The following PSMB7 variants were observed in gnomAD, a reference collection of about 807,000 sequenced individuals.
The protein encoded by PSMB7 is proteasome 20S subunit beta 7.
A neutral mutation model predicts 28.1 loss-of-function variants in PSMB7; 5 were observed. The observed-to-expected ratio is 0.18, with a 90% CI of 0.09 to 0.37. The LOEUF (loss-of-function observed/expected upper bound fraction) is 0.37, where lower values mean the gene tolerates loss of function less well. Ranked by LOEUF, PSMB7 falls within the 10% of genes least tolerant of loss-of-function variation. The pLI, the probability that PSMB7 is intolerant of heterozygous loss-of-function variation, is 1.00. For missense variants in PSMB7, 275 were observed against 346.2 expected (o/e 0.79, Z 1.63); for synonymous variants, 122 against 123.7 (o/e 0.99, Z 0.09).
chr9:124,369,704 G>A (rs1013198735), intron 6 of PSMB7, among the ~76,000 whole-genome samples: 2 of 152,090 alleles, frequency 1.3e-5, no homozygotes. Flanking sequence ...GCAGAGCAGG[G>A]GCCCCCGTGC....
At chr9:124,366,037 A>G (rs530667463) in intron 6 of PSMB7, among the ~76,000 whole-genome samples, 1 of 152,260 alleles carries the variant, frequency 6.6e-6, no homozygotes, top group East Asian at 1.9e-4. Flanking sequence ...AAAGGTCTAC[A>G]CCAATGTGTG....
At position 124,382,071 on chromosome 9, in the gene PSMB7, C is replaced by G. The variant is rs145078119; in HGVS notation, c.570+2527G>C. Among the ~76,000 whole-genome samples the G allele has an allele frequency of 7.2e-3, 1,094 of 151,736 alleles. 8 individuals carry two copies. Among genetic ancestry groups the G allele is most frequent in the Middle Eastern group, 0.017 (5 of 294 alleles). On this transcript the variant is annotated intron_variant, in intron 6 of 7. Transcript: ENST00000259457. ...CTCAGGAGTTCCAGACCCACCTGGGCAGCATGGTGAAACCCAGTCTCTACA... is the reference window on the plus strand; with the variant it reads ...CTCAGGAGTTCCAGACCCACCTGGGGAGCATGGTGAAACCCAGTCTCTACA...
At chr9:124,379,669 C>T (rs888046344) in intron 6 of PSMB7, among the ~76,000 whole-genome samples, 5 of 152,296 alleles carry the variant, frequency 3.3e-5, no homozygotes, top group South Asian at 4.2e-4. Flanking sequence ...TCTGCTTTTT[C>T]GGCCTATAAT....
intron 5 of PSMB7, among the ~76,000 whole-genome samples, chr9:124,392,449 G>A (rs1012021177): frequency 2.6e-5 from 4 of 152,202 alleles, no homozygotes; most frequent in Admixed American, 6.5e-5. Context: ...TGATGCAACC[G>A]GAAACCGAGG....
At chr9:124,364,000 C>G (rs1339915465) in intron 6 of PSMB7, among the ~76,000 whole-genome samples, 1 of 152,112 alleles carries the variant, frequency 6.6e-6, no homozygotes, top group African/African-American at 2.4e-5. Flanking sequence ...GAGAATAATG[C>G]CTCTGTCCAA....
intron 6 of PSMB7, among the ~76,000 whole-genome samples, chr9:124,380,391 A>G (rs942043520): frequency 1.6e-4 from 24 of 152,166 alleles, no homozygotes; most frequent in Non-Finnish European, 3.2e-4. Context: ...ATTCAAAAAA[A>G]TCTGCCAAGC....
intron 6 of PSMB7, among the ~76,000 whole-genome samples, chr9:124,378,365 T>C (rs1402861961): frequency 6.6e-6 from 1 of 152,206 alleles, no homozygotes; most frequent in Non-Finnish European, 1.5e-5. Context: ...GTACAGAATA[T>C]GTATCAGAGA....
intron 5 of PSMB7, among the ~76,000 whole-genome samples, chr9:124,403,107 A>G (rs1481767686): frequency 6.6e-6 from 1 of 152,220 alleles, no homozygotes; most frequent in Non-Finnish European, 1.5e-5. Context: ...GAAAAACACC[A>G]GCTACACGAT....
rs888763736 is a variant in PSMB7 at position 124,362,504 on chromosome 9, A to C, written c.571-5589T>G. ...CATTTCCCTGTGTCTTTCTGAATCT[A>C]TATTTAGTTCCATTAGTTCACAACC... On this transcript the variant is annotated intron_variant, in intron 6 of 7. Coordinates refer to ENST00000259457, the MANE Select transcript of PSMB7 (RefSeq NM_002799.4). Among the ~76,000 whole-genome samples, 4 of 152,346 alleles carry C rather than the reference A, an allele frequency of 2.6e-5. No homozygotes were observed. In the East Asian group the frequency reaches 7.7e-4, roughly 29 times the overall value.
At chr9:124,367,494 G>GGA (rs974565163) in intron 6 of PSMB7, among the ~76,000 whole-genome samples, 6 of 152,076 alleles carry the variant, frequency 3.9e-5, no homozygotes, top group African/African-American at 7.2e-5. Context: ...TTAGGTGGGA[G>GGA]GAGGGGGTCT....
chr9:124,379,938 C>T (rs73666876), intron 6 of PSMB7, among the ~76,000 whole-genome samples: 2,324 of 152,322 alleles, frequency 0.015, 67 homozygotes, highest in African/African-American at 0.052. Flanking sequence ...ACATACTGAA[C>T]CTCAGGAGCT....
At chr9:124,365,425 A>G (rs1320606012) in intron 6 of PSMB7, among the ~76,000 whole-genome samples, 2 of 152,188 alleles carry the variant, frequency 1.3e-5, no homozygotes, top group Non-Finnish European at 2.9e-5. Context: ...TGAACATGGG[A>G]AGGAGAAAGG....
intron 6 of PSMB7, among the ~76,000 whole-genome samples, chr9:124,360,587 G>A (rs773947340): frequency 3.9e-5 from 6 of 152,310 alleles, no homozygotes; most frequent in South Asian, 2.1e-4. Flanking sequence ...CCTTACCCTC[G>A]TTACCAAAAA....
chr9:124,379,720 CCT>C (rs1830646288), intron 6 of PSMB7, among the ~76,000 whole-genome samples: 1 of 152,176 alleles, frequency 6.6e-6, no homozygotes, highest in South Asian at 2.1e-4. Flanking sequence ...CTTCATTTTC[CCT>C]GTGTCCTTAA....
At chr9:124,412,831 T>C (rs1013170512) in intron 3 of PSMB7, among the ~76,000 whole-genome samples, 5 of 152,096 alleles carry the variant, frequency 3.3e-5, no homozygotes, top group African/African-American at 4.8e-5. Context: ...CTACCAAGTA[T>C]TTACTATCAG....
intron 7 of PSMB7, among the ~76,000 whole-genome samples, chr9:124,354,093 T>C (rs1215400326): frequency 2.6e-5 from 4 of 152,296 alleles, no homozygotes; most frequent in South Asian, 2.1e-4. Context: ...AAGGGCATGA[T>C]TGCTCTTCCG....
intron 7 of PSMB7, among the ~76,000 whole-genome samples, 185 bp from the exon 8 acceptor site, chr9:124,353,894 G>C (rs1830365413): frequency 6.6e-6 from 1 of 152,182 alleles, no homozygotes; most frequent in South Asian, 2.1e-4. Flanking sequence ...CTGCAAAATG[G>C]GGGTGCCTGG....
chr9:124,364,089 C>T (rs1033649827), intron 6 of PSMB7, among the ~76,000 whole-genome samples: 2 of 152,178 alleles, frequency 1.3e-5, no homozygotes, highest in African/African-American at 4.8e-5. Flanking sequence ...TCGAAGAAAA[C>T]AGGCAAGGGT....
At chr9:124,360,489 GCCAGGGAGGCATCTGCCCC>G (rs1306921841) in intron 6 of PSMB7, among the ~76,000 whole-genome samples, 1 of 152,256 alleles carries the variant, frequency 6.6e-6, no homozygotes, top group Admixed American at 6.5e-5. Context: ...CTCTCCCACA[GCCAGGGAGGCATCTGCCCC>G]CAGCCAGCTG....
Sources: allele counts gnomAD v4.1 joint callset (sites outside exome capture counted in the v4.1 genomes callset), GRCh38; gene constraint gnomAD v4.1.1; transcripts MANE v1.5; gene names NCBI Gene and HGNC (gene_info 2026-07-23, HGNC 2026-07-21).